The following RASAL1 variants were observed in gnomAD, a reference collection of about 807,000 sequenced individuals.
RASAL1 encodes the protein rasGAP-activating-like protein 1.
A neutral mutation model predicts 96.6 loss-of-function variants in RASAL1; 72 were observed. That is an observed-to-expected ratio of 0.75 (90% CI 0.62 to 0.91). RASAL1 has a LOEUF of 0.91. RASAL1 is among the 40% of genes least tolerant of loss of function. The pLI, the probability that RASAL1 is intolerant of heterozygous loss-of-function variation, is 0.00. For synonymous variants in RASAL1, 405 were observed against 430.4 expected (o/e 0.94, Z 0.73); for missense variants, 1,016 against 1,072.5 (o/e 0.95, Z 0.74).
intron 5 of RASAL1, 88 bp from the exon 6 acceptor site, chr12:113,119,531 G>A (rs901282007): frequency 9.7e-5 from 125 of 1,288,536 alleles, no homozygotes; most frequent in African/African-American, 4.4e-4. Flanking sequence ...TTCCAATGTC[G>A]CTGGTTTCCA....
chr12:113,120,796 C>A (rs1038975325), intron 5 of RASAL1, among the ~76,000 whole-genome samples: 1 of 152,100 alleles, frequency 6.6e-6, no homozygotes, highest in African/African-American at 2.4e-5. Flanking sequence ...TGGGACAGGA[C>A]CTATCTCCTT....
intron 4 of RASAL1, among the ~76,000 whole-genome samples, chr12:113,124,972 C>T (rs1185391917): frequency 1.3e-5 from 2 of 151,630 alleles, no homozygotes; most frequent in African/African-American, 4.8e-5. Context: ...TTGTTTAATG[C>T]AATAAATGGC....
At chr12:113,106,774 T>C (rs1212855527) in intron 15 of RASAL1, among the ~76,000 whole-genome samples, 1 of 152,242 alleles carries the variant, frequency 6.6e-6, no homozygotes, top group African/African-American at 2.4e-5. Flanking sequence ...TTTCTCTGTC[T>C]TGTTCACTGC....
chr12:113,125,496 T>C (rs1289206599), intron 4 of RASAL1, among the ~76,000 whole-genome samples: 2 of 152,166 alleles, frequency 1.3e-5, no homozygotes, highest in Admixed American at 1.3e-4. Context: ...CAAAACTGTA[T>C]ATAAAAAAGG....
At chr12:113,119,498 G>C in intron 5 of RASAL1, 55 bp from the exon 6 acceptor site, 5 of 1,501,468 alleles carry the variant, frequency 3.3e-6, no homozygotes, top group Non-Finnish European at 4.6e-6. Flanking sequence ...TTGGGCCTTG[G>C]AAAGGCTGTT....
chr12:113,135,172 C>T lies in RASAL1; in HGVS notation c.65+226G>A, dbSNP rs1299645752. ...GGAACAAAGACACCCCCTCCCCTGC[C>T]CGGGGGTGAGGCGGGGCATCTGCTA... On this transcript the variant is annotated intron_variant, in intron 1 of 20. Transcript: ENST00000548055. The surrounding 1 kb of genome is among the most constrained non-coding windows in gnomAD (Gnocchi z 5.7). Among the ~76,000 whole-genome samples, 1 of 152,142 alleles carries T rather than the reference C, an allele frequency of 6.6e-6. No homozygotes were observed. The highest frequency in any genetic ancestry group is 1.5e-5 in the Non-Finnish European group (1 of 68,008).
At chr12:113,122,611 C>G (rs1485001124) in intron 4 of RASAL1, among the ~76,000 whole-genome samples, 1 of 152,230 alleles carries the variant, frequency 6.6e-6, no homozygotes, top group Non-Finnish European at 1.5e-5. Flanking sequence ...AGGCAGGAGC[C>G]ACTATGCCCA....
At chr12:113,112,000 C>G in intron 13 of RASAL1, 86 bp downstream of exon 13, 1 of 1,155,202 alleles carries the variant, frequency 8.7e-7, no homozygotes, top group East Asian at 3.2e-5. Flanking sequence ...AGCCTAGGTT[C>G]TGGTCACAGT....
chr12:113,117,401 C>T (rs1029364696), intron 7 of RASAL1, among the ~76,000 whole-genome samples: 5 of 152,150 alleles, frequency 3.3e-5, no homozygotes, highest in African/African-American at 1.2e-4. Flanking sequence ...TGAGGCTCAG[C>T]GATGTGGAGT....
At chr12:113,124,154 G>A (rs562660085) in intron 4 of RASAL1, among the ~76,000 whole-genome samples, 3 of 149,804 alleles carry the variant, frequency 2.0e-5, no homozygotes, top group Non-Finnish European at 4.4e-5. Flanking sequence ...GAAGGCGGAG[G>A]TTGCAGTGAT....
Position 113,135,648 on chromosome 12 carries a change from G to T in RASAL1, c.-186C>A. On this transcript the variant is annotated 5_prime_UTR_variant, in exon 1 of 21. Transcript: ENST00000548055. This position sits in a 1 kb window ranked among gnomAD's most constrained non-coding sequence, Gnocchi z 5.7. ...GGAGAAGGTGTAGGTGCCCGGGGAG[G>T]GAGCGCCCGTCCGGACTCTACAGGT... is the stretch of plus-strand genomic sequence containing the variant. The T allele has an allele frequency of 1.7e-6, 1 of 597,074 alleles. No homozygotes were observed. The highest frequency in any genetic ancestry group is 3.0e-6 in the Non-Finnish European group (1 of 333,818). The allele number at this position is 597,074 out of a possible 1,614,324, so 37.0% of individuals were successfully genotyped here.
In RASAL1 at chr12:113,108,237, A is replaced by G; in HGVS notation, c.1375-15T>C. On this transcript the variant is annotated splice_polypyrimidine_tract_variant and intron_variant, in intron 13 of 20. Coordinates refer to ENST00000548055, the MANE Select transcript of RASAL1 (RefSeq NM_001301202.2). ...TACTTCACATCCTGCTGGGAGGAGCAGAAGGTAAGAGGAGCCCCCCAAACC... is the reference window on the plus strand; with the variant it reads ...TACTTCACATCCTGCTGGGAGGAGCGGAAGGTAAGAGGAGCCCCCCAAACC... 1 of 1,606,002 alleles carries G rather than the reference A, an allele frequency of 6.2e-7. No individual in the cohort carries two copies. Among genetic ancestry groups the G allele is most frequent in the Non-Finnish European group, 8.5e-7 (1 of 1,176,744 alleles).
At chr12:113,117,248 A>T in intron 7 of RASAL1, 87 bp from the exon 8 acceptor site, 1 of 997,748 alleles carries the variant, frequency 1.0e-6, no homozygotes, top group Non-Finnish European at 1.4e-6. Flanking sequence ...CTGGAAGAAC[A>T]GACTGCCCAC....
At chr12:113,127,723 C>G in intron 4 of RASAL1, 89 bp downstream of exon 4, 1 of 1,100,984 alleles carries the variant, frequency 9.1e-7, no homozygotes, top group East Asian at 2.4e-5. Flanking sequence ...ACTGAAGGCT[C>G]TGTGCTTCAC....
At position 113,121,555 on chromosome 12, in the gene RASAL1, C is replaced by A. The variant is rs778593894; in HGVS notation, c.382G>T (p.Glu128Ter). 6.2e-7 allele frequency: 1 copy of A among 1,614,202 alleles called. No individual in the cohort carries two copies. Among genetic ancestry groups the A allele is most frequent in the Non-Finnish European group, 8.5e-7 (1 of 1,180,032 alleles). The change falls in exon 5 of 21, where the codon GAG becomes TAG. Residue 128 changes from glutamate to a stop codon, truncating the protein, a stop_gained. Coordinates refer to ENST00000548055, the MANE Select transcript of RASAL1 (RefSeq NM_001301202.2). LOFTEE classifies it high-confidence loss of function. ...CGAAGGCAGCGGCCCTGCCCATCCT[C>A]CAGCATCTGCACTGACAGGCAGATC... is the stretch of plus-strand genomic sequence containing the variant. ...GEICLSVQML[E>*]DGQGRCLRCH...
At position 113,115,551 on chromosome 12, in the gene RASAL1, G is replaced by A. The variant is rs1951044128; in HGVS notation, c.1003+84C>T. 4.6e-6 allele frequency: 7 copies of A among 1,522,604 alleles called. No homozygotes were observed. Among genetic ancestry groups the A allele is most frequent in the South Asian group, 2.5e-5 (2 of 78,752 alleles). The allele number at this position is 1,522,604 out of a possible 1,614,324, so 94.3% of individuals were successfully genotyped here. On this transcript the variant is annotated intron_variant, in intron 10 of 20. Transcript: ENST00000548055. This position sits in a 1 kb window ranked among gnomAD's most constrained non-coding sequence, Gnocchi z 4.1. ...AAAGGAGCCCTTTTTCCCTCTGCCT[G>A]AGGCCTCCCCATTCCTCCCCCAGGA... is the stretch of plus-strand genomic sequence containing the variant.
At position 113,099,870 on chromosome 12, in the gene RASAL1, T is replaced by C; in HGVS notation, c.*59A>G. 1 of 1,559,232 alleles carries C rather than the reference T, an allele frequency of 6.4e-7. No homozygotes were observed. Among genetic ancestry groups the C allele is most frequent in the Non-Finnish European group, 8.7e-7 (1 of 1,149,194 alleles). ...GAGACAGGAGACTCCCGGGGCAGGA[T>C]GCGCTGAAGAGGGCCCCCTGGCTCT... On this transcript the variant is annotated 3_prime_UTR_variant, in exon 21 of 21. Coordinates refer to ENST00000548055, the MANE Select transcript of RASAL1 (RefSeq NM_001301202.2).
intron 18 of RASAL1, 107 bp downstream of exon 18, chr12:113,103,839 G>A (rs1269434003): frequency 7.0e-7 from 1 of 1,419,512 alleles, no homozygotes; most frequent in Admixed American, 2.0e-5. Flanking sequence ...GGCATAGAGA[G>A]GTTGAGTAAC....
chr12:113,135,325 G>T lies in RASAL1; in HGVS notation c.65+73C>A. The T allele has an allele frequency of 1.4e-6, 2 of 1,428,396 alleles. No homozygotes were observed. The highest frequency in any genetic ancestry group is 1.9e-6 in the Non-Finnish European group (2 of 1,038,406). 88.5% of individuals were successfully genotyped at this position (1,428,396 alleles called of 1,614,324 possible). On this transcript the variant is annotated intron_variant, in intron 1 of 20. Transcript: ENST00000548055. This position sits in a 1 kb window ranked among gnomAD's most constrained non-coding sequence, Gnocchi z 5.7. ...CCCTCCTGCCAACCCGCCCTGGCAC[G>T]CGGAAAGGGCGACGTCGGCCCCACC...
Sources: allele counts gnomAD v4.1 joint callset (sites outside exome capture counted in the v4.1 genomes callset), GRCh38; gene constraint gnomAD v4.1.1; non-coding constraint Gnocchi (gnomAD v3.1); transcripts MANE v1.5; gene names NCBI Gene and HGNC (gene_info 2026-07-23, HGNC 2026-07-21).